ARHGAP20: variants seen among roughly 807,000 people sequenced by gnomAD.
ARHGAP20 encodes the protein Rho GTPase activating protein 20.
A neutral mutation model predicts 73.7 loss-of-function variants in ARHGAP20; 34 were observed. The ratio of observed to expected loss-of-function variants is 0.46; its 90% CI spans 0.35 to 0.61. The LOEUF is 0.61. Ranked by LOEUF, ARHGAP20 falls within the 20% of genes least tolerant of loss-of-function variation. The probability of loss-of-function intolerance (pLI) is 0.00; values close to 1 mark genes in which losing one functional copy is unlikely to be tolerated. For missense variants in ARHGAP20, 1,314 were observed against 1,420.9 expected, an observed-to-expected ratio of 0.92 and a Z score of 1.21; for synonymous variants, 523 against 518.2, an observed-to-expected ratio of 1.01 and a Z score of -0.13.
chr11:110,615,602 C>A lies in ARHGAP20; in HGVS notation c.504-8G>T, dbSNP rs886728569. On this transcript the variant is annotated splice_region_variant and splice_polypyrimidine_tract_variant and intron_variant, in intron 4 of 14. Transcript: ENST00000683387. ...TCCTTTTGTTCTGGAGAACTGCAAT[C>A]AAAGAAAATGGGAGAGAAAAATTAA... The A allele has an allele frequency of 2.5e-6, 4 of 1,610,766 alleles. No homozygotes were observed. The African/African-American group carries it at 5.3e-5, about 22-fold the overall frequency.
intron 2 of ARHGAP20, among the ~76,000 whole-genome samples, chr11:110,632,801 T>C (rs1018021208): frequency 6.6e-6 from 1 of 152,232 alleles, no homozygotes; most frequent in African/African-American, 2.4e-5. Flanking sequence ...TTCAAATCTT[T>C]TGCTCATTTA....
chr11:110,663,592 T>G (rs1342273845), intron 2 of ARHGAP20, among the ~76,000 whole-genome samples: 1 of 152,002 alleles, frequency 6.6e-6, no homozygotes, highest in African/African-American at 2.4e-5. Flanking sequence ...GAATATTTAG[T>G]TAAAGCCTTC....
intron 10 of ARHGAP20, 73 bp from the exon 11 acceptor site, chr11:110,590,882 TG>T (rs1246043652): frequency 1.4e-6 from 2 of 1,452,786 alleles, no homozygotes; most frequent in Non-Finnish European, 1.8e-6. Flanking sequence ...TTGCCCTCTT[TG>T]GATGCCAGAG....
At chr11:110,704,724 T>C (rs763454713) in intron 1 of ARHGAP20, among the ~76,000 whole-genome samples, 25 of 152,186 alleles carry the variant, frequency 1.6e-4, no homozygotes, top group Non-Finnish European at 2.6e-4. Flanking sequence ...AAAACTGTTG[T>C]AGTTGCCACT....
In ARHGAP20 at chr11:110,696,833, C is replaced by T. The variant is rs117081085; in HGVS notation, c.106-6204G>A. 2.2e-3 allele frequency among the ~76,000 whole-genome samples: 333 copies of T among 151,774 alleles called. 3 individuals carry two copies. The East Asian group carries it at 0.026, about 12-fold the overall frequency. ...GTGAGAATATGTGGTATTTAATTTT[C>T]TGTTCTGAGTTAGTTCATTTAGGAT... On this transcript the variant is annotated intron_variant, in intron 1 of 14. Coordinates refer to ENST00000683387, the MANE Select transcript of ARHGAP20 (RefSeq NM_001384657.1).
At chr11:110,647,979 G>C in intron 2 of ARHGAP20, among the ~76,000 whole-genome samples, 1 of 151,602 alleles carries the variant, frequency 6.6e-6, no homozygotes, top group East Asian at 1.9e-4. Context: ...TATAAAGAAA[G>C]GAAGTCAGAA....
At chr11:110,703,618 G>T (rs1950499694) in intron 1 of ARHGAP20, among the ~76,000 whole-genome samples, 1 of 152,050 alleles carries the variant, frequency 6.6e-6, no homozygotes, top group African/African-American at 2.4e-5. Flanking sequence ...GTTAAGTGCT[G>T]TATATAAATA....
intron 2 of ARHGAP20, among the ~76,000 whole-genome samples, chr11:110,638,792 CTGA>C (rs775169679): frequency 1.9e-3 from 283 of 151,824 alleles, no homozygotes; most frequent in Non-Finnish European, 3.3e-3. Flanking sequence ...TAGGTGGGAA[CTGA>C]ACAATGAGAA....
intron 1 of ARHGAP20, among the ~76,000 whole-genome samples, chr11:110,697,549 T>A (rs1950360704): frequency 6.6e-6 from 1 of 151,950 alleles, no homozygotes; most frequent in Non-Finnish European, 1.5e-5. Context: ...TTATTATTTC[T>A]TTTGCTTTGC....
intron 1 of ARHGAP20, among the ~76,000 whole-genome samples, chr11:110,710,101 A>T (rs1292025454): frequency 2.0e-5 from 3 of 152,218 alleles, no homozygotes; most frequent in Non-Finnish European, 4.4e-5. Flanking sequence ...TTTGGCTTGA[A>T]CAACTGGGAC....
chr11:110,583,844 C>G, intron 12 of ARHGAP20, 107 bp from the exon 13 acceptor site: 1 of 914,264 alleles, frequency 1.1e-6, no homozygotes, highest in Non-Finnish European at 1.5e-6. Context: ...GAACACAGTT[C>G]AGATATGCAA....
At position 110,636,307 on chromosome 11, in the gene ARHGAP20, C is replaced by A. The variant is rs570552172; in HGVS notation, c.189-5515G>T. On this transcript the variant is annotated intron_variant, in intron 2 of 14. Transcript: ENST00000683387. ...CCTGTCTGGGTCATGGTTTGAGGAT[C>A]CCTGGTTTAAACAATACTTCCAAAA... Among the ~76,000 whole-genome samples the A allele has an allele frequency of 1.8e-3, 280 of 152,066 alleles. 4 individuals are homozygous for A. The highest frequency in any genetic ancestry group is 6.4e-3 in the African/African-American group (266 of 41,510).
chr11:110,706,835 C>G (rs370246945), intron 1 of ARHGAP20, among the ~76,000 whole-genome samples: 3 of 152,166 alleles, frequency 2.0e-5, no homozygotes, highest in Non-Finnish European at 2.9e-5. Context: ...CCTGCCAACA[C>G]AATCTCACGT....
chr11:110,699,742 A>G (rs1428225436), intron 1 of ARHGAP20, among the ~76,000 whole-genome samples: 2 of 151,898 alleles, frequency 1.3e-5, no homozygotes, highest in Non-Finnish European at 2.9e-5. Context: ...CATTTACATG[A>G]CATATCTTTT....
intron 2 of ARHGAP20, among the ~76,000 whole-genome samples, chr11:110,647,081 G>C (rs1481037307): frequency 6.6e-6 from 1 of 152,044 alleles, no homozygotes; most frequent in Non-Finnish European, 1.5e-5. Context: ...GGTAGCTGTG[G>C]GGGTTTTAGT....
At chr11:110,611,459 A>AC in intron 6 of ARHGAP20, 73 bp from the exon 7 acceptor site, 14 of 756,890 alleles carry the variant, frequency 1.8e-5, no homozygotes, top group Non-Finnish European at 2.8e-5. Flanking sequence ...AATCATTGTC[A>AC]AATGATTATC....
At chr11:110,590,932 G>C in intron 10 of ARHGAP20, 123 bp from the exon 11 acceptor site, 1 of 1,003,146 alleles carries the variant, frequency 1.0e-6, no homozygotes, top group Non-Finnish European at 1.4e-6. Flanking sequence ...AAGGATTGGA[G>C]CTAAATAAAT....
intron 4 of ARHGAP20, among the ~76,000 whole-genome samples, chr11:110,622,994 T>A (rs547653224): frequency 6.6e-6 from 1 of 151,864 alleles, no homozygotes; most frequent in Non-Finnish European, 1.5e-5. Flanking sequence ...AGTCATACCC[T>A]CACTTAAAAT....
chr11:110,711,871 G>A (rs1488902432), intron 1 of ARHGAP20: 3 of 1,314,642 alleles, frequency 2.3e-6, no homozygotes, highest in Admixed American at 8.1e-5. Context: ...GGAGACGGGA[G>A]GGAGGCTGCG....
Sources: gnomAD v4.1 joint callset for allele counts (sites outside exome capture counted in the v4.1 genomes callset) on GRCh38, gnomAD v4.1.1 for gene constraint, MANE v1.5 for transcripts, NCBI Gene and HGNC (gene_info 2026-07-23, HGNC 2026-07-21) for gene names.